The following RFC1 variants were observed in gnomAD, a reference collection of about 807,000 sequenced individuals.
RFC1 encodes replication factor C subunit 1, also known as A1 140 kDa subunit.
A neutral mutation model predicts 137.4 loss-of-function variants in RFC1; 37 were observed. The observed-to-expected ratio is 0.27, with a 90% CI of 0.21 to 0.35. The LOEUF (loss-of-function observed/expected upper bound fraction) is 0.35, where lower values mean the gene tolerates loss of function less well. Ranked by LOEUF, RFC1 falls within the 10% of genes least tolerant of loss-of-function variation. RFC1 has a pLI of 1.00. For synonymous variants in RFC1, 429 were observed against 455.7 expected, an observed-to-expected ratio of 0.94 and a Z score of 0.75; for missense variants, 1,205 against 1,358.5, an observed-to-expected ratio of 0.89 and a Z score of 1.78.
intron 1 of RFC1, among the ~76,000 whole-genome samples, chr4:39,362,795 GCAA>G (rs1741822719): frequency 6.6e-6 from 1 of 152,150 alleles, no homozygotes; most frequent in South Asian, 2.1e-4. Context: ...AAAGAAAATA[GCAA>G]CAAAAGCCCG....
At chr4:39,306,825 G>A in intron 13 of RFC1, 124 bp from the exon 14 acceptor site, 1 of 644,246 alleles carries the variant, frequency 1.6e-6, no homozygotes. Context: ...TTCTAAATTT[G>A]CAGACTATTT....
chr4:39,332,912 G>A (rs1740174392), intron 4 of RFC1, among the ~76,000 whole-genome samples: 1 of 152,178 alleles, frequency 6.6e-6, no homozygotes. Flanking sequence ...GAGCCCAGGA[G>A]TTCAAGACCA....
At position 39,309,023 on chromosome 4, in the gene RFC1, C is replaced by T; in HGVS notation, c.1498G>A (p.Glu500Lys). 1.3e-6 allele frequency: 2 copies of T among 1,588,672 alleles called. No homozygotes were observed. The highest frequency in any genetic ancestry group is 1.7e-6 in the Non-Finnish European group (2 of 1,173,374). The change falls in exon 13 of 25, where the codon GAG (glutamate) becomes AAG (lysine). Residue 500 changes from glutamate (E) to lysine (K), a missense_variant. Coordinates refer to ENST00000349703, the MANE Select transcript of RFC1 (RefSeq NM_002913.5). The stretch of plus-strand genomic sequence containing the variant: ...TGGGGTGTTCTCTCCAGTTTGGACT[C>T]TTTCTTCATCTTAAGAAGTGGAAAA... ...EIAVETEMKK[E>K]SKLERTPQKN...
chr4:39,304,957 G>A lies in RFC1; in HGVS notation c.1996-29C>T, dbSNP rs780765889. ...ATCAAAATATTGGAAACCACTGAAG[G>A]CACAATACAAATTAACTCCACCACC... On this transcript the variant is annotated intron_variant, in intron 14 of 24. Transcript: ENST00000349703. The A allele has an allele frequency of 3.7e-5, 49 of 1,341,462 alleles. No individual in the cohort carries two copies. In the South Asian group the frequency reaches 5.7e-4, roughly 16 times the overall value. 83.1% of individuals were successfully genotyped at this position (1,341,462 alleles called of 1,614,324 possible). A position where few individuals can be genotyped will look rare whatever the true frequency, so the allele number is the denominator to read the frequency against.
In RFC1 at chr4:39,296,238, C is replaced by CT. The variant is rs1254857918; in HGVS notation, c.2809-480dup. Among the ~76,000 whole-genome samples the CT allele has an allele frequency of 1.6e-4, 19 of 116,524 alleles. No homozygotes were observed. In the South Asian group the frequency reaches 1.9e-3, roughly 12 times the overall value. 76.4% of individuals were successfully genotyped at this position (116,524 alleles called of 152,430 possible). A position where few individuals can be genotyped will look rare whatever the true frequency, so the allele number is the denominator to read the frequency against. ...CTTCTATGTCCAGGGTTTTCACTTT[C>CT]TTTTTTTTTTTCTTTTTTTTTTTTT... On this transcript the variant is annotated intron_variant, in intron 21 of 24. Transcript: ENST00000349703.
At chr4:39,304,962 A>G (rs1356326615) in intron 14 of RFC1, 34 bp from the exon 15 acceptor site, 1 of 1,284,184 alleles carries the variant, frequency 7.8e-7, no homozygotes, top group Non-Finnish European at 1.1e-6. Context: ...TGAAGGCACA[A>G]TACAAATTAA....
At chr4:39,323,784 T>C (rs911070360) in intron 6 of RFC1, among the ~76,000 whole-genome samples, 2 of 152,190 alleles carry the variant, frequency 1.3e-5, no homozygotes, top group African/African-American at 2.4e-5. Context: ...CTCAACCTAA[T>C]AGGAAAACAC....
intron 1 of RFC1, among the ~76,000 whole-genome samples, chr4:39,358,440 T>C (rs921892581): frequency 3.3e-5 from 5 of 152,222 alleles, no homozygotes; most frequent in Non-Finnish European, 5.9e-5. Flanking sequence ...CCTTCTAGTT[T>C]ATTTGTATTT....
intron 10 of RFC1, among the ~76,000 whole-genome samples, chr4:39,313,876 G>T (rs1254516206): frequency 6.6e-6 from 1 of 152,100 alleles, no homozygotes; most frequent in Non-Finnish European, 1.5e-5. Flanking sequence ...CTCTCATAAT[G>T]TATAATATAA....
At chr4:39,299,072 A>G (rs1273841588) in intron 21 of RFC1, among the ~76,000 whole-genome samples, 3 of 152,254 alleles carry the variant, frequency 2.0e-5, no homozygotes, top group Non-Finnish European at 4.4e-5. Flanking sequence ...TGGCCCGCCC[A>G]GGGCAGAAAA....
At chr4:39,331,104 C>G (rs1039545116) in intron 4 of RFC1, among the ~76,000 whole-genome samples, 4 of 152,126 alleles carry the variant, frequency 2.6e-5, no homozygotes, top group African/African-American at 9.7e-5. Context: ...TTCCTTTTCT[C>G]TAAAATAATT....
In RFC1 at chr4:39,288,763, A is replaced by T. The variant is rs149767968; in HGVS notation, c.3442T>A (p.Ter1148ArgextTer15). 1.5e-4 allele frequency: 244 copies of T among 1,605,928 alleles called. No homozygotes were observed. Among genetic ancestry groups the T allele is most frequent in the Non-Finnish European group, 2.0e-4 (229 of 1,173,212 alleles). Reference sequence around the variant, plus strand: ...GCTGTCGCTAGTGAAAAATGGTTTCATTTCTTCGAACTTTTTCCTTTTCCT... The same window carrying T: ...GCTGTCGCTAGTGAAAAATGGTTTCTTTTCTTCGAACTTTTTCCTTTTCCT... ...RKGKGKSSKK[*>R] Residue 1148 changes from the stop codon to arginine (R), a stop_lost, in exon 25 of 25, where the codon TGA becomes AGA. Coordinates refer to ENST00000349703, the MANE Select transcript of RFC1 (RefSeq NM_002913.5).
intron 19 of RFC1, among the ~76,000 whole-genome samples, chr4:39,301,087 CGA>C (rs1491512800): frequency 0.011 from 1,239 of 111,204 alleles, 15 homozygotes; most frequent in African/African-American, 0.043. Context: ...AGCAAGACTC[CGA>C]AAAAAAAAAA....
intron 2 of RFC1, among the ~76,000 whole-genome samples, chr4:39,348,140 G>A (rs1300567227): frequency 6.6e-6 from 1 of 151,980 alleles, no homozygotes; most frequent in African/African-American, 2.4e-5. Context: ...GAAAAAGCAA[G>A]TTCTAGGCCA....
In RFC1 at chr4:39,320,689, T is replaced by C. The variant is rs1247294244; in HGVS notation, c.809-20A>G. 2 of 1,549,366 alleles carry C rather than the reference T, an allele frequency of 1.3e-6. No individual in the cohort carries two copies. The highest frequency in any genetic ancestry group is 1.7e-6 in the Non-Finnish European group (2 of 1,156,462). ...TTTTTACTAGGAAGAAAGAAAAGATTATGGTTGTTGTTTTTGGAAAATGAT... is the reference window on the plus strand; with the variant it reads ...TTTTTACTAGGAAGAAAGAAAAGATCATGGTTGTTGTTTTTGGAAAATGAT... On this transcript the variant is annotated intron_variant, in intron 8 of 24. Transcript: ENST00000349703.
intron 20 of RFC1, 25 bp downstream of exon 20, chr4:39,300,234 AC>A: frequency 6.2e-7 from 1 of 1,613,696 alleles, no homozygotes; most frequent in Non-Finnish European, 8.5e-7. Context: ...TACTAAGCAC[AC>A]CTCTCACCAG....
At chr4:39,365,166 A>C (rs1741960939) in intron 1 of RFC1, among the ~76,000 whole-genome samples, 1 of 151,092 alleles carries the variant, frequency 6.6e-6, no homozygotes, top group South Asian at 2.1e-4. Flanking sequence ...AAAAAAAAAA[A>C]AAAAAAAAAA....
intron 2 of RFC1, among the ~76,000 whole-genome samples, 189 bp downstream of exon 2, chr4:39,351,159 G>C (rs1408035685): frequency 6.7e-6 from 1 of 149,800 alleles, no homozygotes; most frequent in Non-Finnish European, 1.5e-5. Context: ...ACTGAGGCAG[G>C]AGAATGGCAT....
rs753813987 is a variant in RFC1 at position 39,291,831 on chromosome 4, A to C, written c.2976T>G (p.Thr992=). 1 of 1,613,990 alleles carries C rather than the reference A, an allele frequency of 6.2e-7. No homozygotes were observed. Among genetic ancestry groups the C allele is most frequent in the African/African-American group, 1.3e-5 (1 of 74,950 alleles). The change falls in exon 23 of 25, where the codon ACT becomes ACG. Residue 992 remains threonine, a synonymous_variant. Transcript: ENST00000349703. ...GAAGCGACAGATAATCCATGTTTAC[A>C]GTCCTTTTGCTGGAGTAAGTTCTGA... ...MSLRTYSSKR[T]VNMDYLSLLR...
Sources: gnomAD v4.1 joint callset for allele counts (sites outside exome capture counted in the v4.1 genomes callset) on GRCh38, gnomAD v4.1.1 for gene constraint, MANE v1.5 for transcripts, NCBI Gene and HGNC (gene_info 2026-07-23, HGNC 2026-07-21) for gene names.